Variants in WDR43 observed in about 807,000 individuals in gnomAD.
The protein encoded by WDR43 is WD repeat-containing protein 43.
In WDR43, 13 loss-of-function variants were observed where a neutral mutation model predicts 91.4. That is an observed-to-expected ratio of 0.14 (90% confidence interval 0.09 to 0.23). The LOEUF is 0.23. WDR43 is among the 10% of genes least tolerant of loss of function. The pLI, the probability that WDR43 is intolerant of heterozygous loss-of-function variation, is 1.00. For missense variants in WDR43, 780 were observed against 809.4 expected (o/e 0.96, Z 0.44); for synonymous variants, 331 against 287.9 (o/e 1.15, Z -1.51).
chr2:28,926,248 C>T (rs778201978), intron 8 of WDR43, among the ~76,000 whole-genome samples: 10 of 152,172 alleles, frequency 6.6e-5, no homozygotes, highest in Admixed American at 6.5e-4. Flanking sequence ...CCTTGGTACC[C>T]AATGTCTTCA....
chr2:28,913,353 C>G (rs1028464168), intron 4 of WDR43, among the ~76,000 whole-genome samples: 3 of 151,074 alleles, frequency 2.0e-5, no homozygotes, highest in Non-Finnish European at 3.0e-5. Flanking sequence ...GATTTTGACA[C>G]AGGGTCTCTC....
At chr2:28,934,688 A>G (rs1671307021) in intron 11 of WDR43, among the ~76,000 whole-genome samples, 1 of 152,208 alleles carries the variant, frequency 6.6e-6, no homozygotes, top group African/African-American at 2.4e-5. Flanking sequence ...AGTGCACTCC[A>G]GCCCAGACAG....
intron 6 of WDR43, among the ~76,000 whole-genome samples, chr2:28,922,190 A>G (rs1671043153): frequency 6.6e-6 from 1 of 152,356 alleles, no homozygotes; most frequent in African/African-American, 2.4e-5. Context: ...TTGATATATT[A>G]CAGTTGTGCA....
At chr2:28,898,207 T>C (rs1278243671) in intron 1 of WDR43, among the ~76,000 whole-genome samples, 2 of 152,232 alleles carry the variant, frequency 1.3e-5, no homozygotes, top group Non-Finnish European at 2.9e-5. Flanking sequence ...TTATACTGCT[T>C]TGCTGTCACT....
Position 28,894,918 on chromosome 2 carries a change from G to A in WDR43, c.220G>A (p.Ala74Thr). The A allele has an allele frequency of 1.3e-6, 2 of 1,587,310 alleles. No individual in the cohort carries two copies. Among genetic ancestry groups the A allele is most frequent in the Non-Finnish European group, 1.7e-6 (2 of 1,167,668 alleles). Residue 74 changes from alanine to threonine, a missense_variant, in exon 1 of 18, where the codon GCC becomes ACC. Transcript: ENST00000407426. ...CLAWAPARLQAKESPQRKKRK... is the reference protein window; with the variant it reads ...CLAWAPARLQTKESPQRKKRK... ...GGCCTGGGCGCCAGCGCGGCTGCAG[G>A]CCAAGGTAAAGCGAGCGGGACTGCG...
chr2:28,917,820 C>G, intron 5 of WDR43, 73 bp from the exon 6 acceptor site: 16 of 1,322,284 alleles, frequency 1.2e-5, no homozygotes, highest in Non-Finnish European at 1.7e-5. Context: ...CTCCATGCCT[C>G]CTTAGGTGTT....
At chr2:28,899,623 C>T (rs539445955) in intron 1 of WDR43, among the ~76,000 whole-genome samples, 1 of 152,176 alleles carries the variant, frequency 6.6e-6, no homozygotes, top group South Asian at 2.1e-4. Context: ...TTTTTGATCA[C>T]AGGAATAACA....
chr2:28,924,276 C>T (rs1351754202), intron 7 of WDR43, among the ~76,000 whole-genome samples: 1 of 152,096 alleles, frequency 6.6e-6, no homozygotes, highest in African/African-American at 2.4e-5. Flanking sequence ...GAAGTAATGA[C>T]CTCAAGCCAC....
intron 6 of WDR43, among the ~76,000 whole-genome samples, chr2:28,918,261 A>G (rs1670954767): frequency 6.6e-6 from 1 of 152,198 alleles, no homozygotes; most frequent in Middle Eastern, 3.2e-3. Flanking sequence ...TTTTGTTACT[A>G]GGAGTATGTA....
intron 6 of WDR43, among the ~76,000 whole-genome samples, chr2:28,920,837 C>T (rs764036723): frequency 1.8e-4 from 27 of 151,424 alleles, no homozygotes; most frequent in African/African-American, 2.4e-4. Context: ...CCATCACGCC[C>T]GGCTAATTTT....
Position 28,937,979 on chromosome 2 carries a change from A to C in WDR43, c.1605A>C (p.Ala535=), listed in dbSNP as rs1396559299. Residue 535 remains alanine, a synonymous_variant, in exon 14 of 18, where the codon GCA becomes GCC. Transcript: ENST00000407426. ...TAAAATGTGTGTTAACAGTTCATGCATCATACCTGTCCACGGTGAGTCTTT... is the reference window on the plus strand; with the variant it reads ...TAAAATGTGTGTTAACAGTTCATGCCTCATACCTGTCCACGGTGAGTCTTT... ...QWLKCVLTVH[A]SYLSTLPDLV... The C allele has an allele frequency of 6.2e-7, 1 of 1,613,794 alleles. No homozygotes were observed.
At chr2:28,946,404 T>C (rs1170850423) in intron 16 of WDR43, 46 bp from the exon 17 acceptor site, 7 of 1,570,974 alleles carry the variant, frequency 4.5e-6, no homozygotes, top group Non-Finnish European at 6.0e-6. Context: ...GGCTGTACCC[T>C]CTGTTTTGTT....
chr2:28,939,093 GT>G lies in WDR43; in HGVS notation c.1620+1104del, dbSNP rs147553517. Among the ~76,000 whole-genome samples the G allele has an allele frequency of 9.4e-3, 127 of 13,440 alleles. 1 individual carries two copies. The highest frequency in any genetic ancestry group is 0.02 in the South Asian group (8 of 402). 8.8% of individuals were successfully genotyped at this position (13,440 alleles called of 152,430 possible). On this transcript the variant is annotated intron_variant, in intron 14 of 17. Coordinates refer to ENST00000407426, the MANE Select transcript of WDR43 (RefSeq NM_015131.3). ...TGACCTGGGAGCACTGGTGAGAGGG[GT>G]TTTTGGGAGGTGACCTGGGAGCACT...
chr2:28,921,626 G>T (rs1339946326), intron 6 of WDR43, among the ~76,000 whole-genome samples: 2 of 152,230 alleles, frequency 1.3e-5, no homozygotes, highest in African/African-American at 4.8e-5. Context: ...GACAGTTAGA[G>T]ATTAGATTTG....
In WDR43 at chr2:28,946,715, C is replaced by G; in HGVS notation, c.1970C>G (p.Ala657Gly). ...DEENGEDRDT[A>G]SEKELNGDSD... ...GAAAATGGCGAGGACAGAGATACAG[C>G]AAGTGAAAAAGAATTAAATGGAGAT... The change falls in exon 18 of 18, where the codon GCA (alanine) becomes GGA (glycine). Residue 657 changes from alanine to glycine, a missense_variant. Coordinates refer to ENST00000407426, the MANE Select transcript of WDR43 (RefSeq NM_015131.3). The G allele has an allele frequency of 6.3e-7, 1 of 1,583,092 alleles. No homozygotes were observed. The highest frequency in any genetic ancestry group is 8.6e-7 in the Non-Finnish European group (1 of 1,164,390).
chr2:28,895,857 C>G (rs748077438), intron 1 of WDR43: 25 of 152,144 alleles, frequency 1.6e-4, no homozygotes, highest in Non-Finnish European at 3.5e-4. Flanking sequence ...ATCAGGTATC[C>G]TGAGGTGTGT....
At chr2:28,914,247 G>A (rs748392569) in intron 5 of WDR43, 39 bp downstream of exon 5, 3 of 1,590,100 alleles carry the variant, frequency 1.9e-6, no homozygotes, top group African/African-American at 2.7e-5. Flanking sequence ...AGCATTGAAA[G>A]AATCTGTCAG....
At chr2:28,913,948 C>T (rs891941114) in intron 4 of WDR43, 121 bp from the exon 5 acceptor site, 1 of 1,138,426 alleles carries the variant, frequency 8.8e-7, no homozygotes, top group Middle Eastern at 2.2e-4. Context: ...TGAACAGTTA[C>T]TTCATCGTGG....
At position 28,946,669 on chromosome 2, in the gene WDR43, G is replaced by T. The variant is rs766958111; in HGVS notation, c.1924G>T (p.Asp642Tyr). The stretch of plus-strand genomic sequence containing the variant: ...TGAGGACGTTGAAGAGGAAGATGAG[G>T]ATGCCGAAGGAAAAGATGAAGAAAA... ...KDEDVEEEDE[D>Y]AEGKDEENGE... Residue 642 changes from aspartate to tyrosine, a missense_variant, in exon 18 of 18, where the codon GAT becomes TAT. Physicochemically the swap from Asp to Tyr is radical, Grantham distance 160. Transcript: ENST00000407426. 1 of 1,561,944 alleles carries T rather than the reference G, an allele frequency of 6.4e-7. No individual in the cohort carries two copies. The highest frequency in any genetic ancestry group is 2.4e-5 in the East Asian group (1 of 42,078).
Sources: gnomAD v4.1 joint callset for allele counts (sites outside exome capture counted in the v4.1 genomes callset) on GRCh38, gnomAD v4.1.1 for gene constraint, MANE v1.5 for transcripts, NCBI Gene and HGNC (gene_info 2026-07-23, HGNC 2026-07-21) for gene names.